Variants in AKT3 observed in about 807,000 individuals in gnomAD.
AKT3 encodes the protein AKT serine/threonine kinase 3, also known as RAC-gamma serine/threonine-protein kinase.
Under a neutral mutation model 65.3 loss-of-function variants are expected in AKT3, and 15 were observed. The ratio of observed to expected loss-of-function variants is 0.23; its 90% CI spans 0.15 to 0.35. The LOEUF (loss-of-function observed/expected upper bound fraction) is 0.35. AKT3 is among the 10% of genes least tolerant of loss of function. AKT3 has a pLI of 1.00. For missense variants in AKT3, 243 were observed against 576.5 expected (o/e 0.42, Z 5.92); for synonymous variants, 206 against 183.8 (o/e 1.12, Z -0.98).
intron 2 of AKT3, among the ~76,000 whole-genome samples, chr1:243,797,860 A>C (rs1461513917): frequency 7.0e-6 from 1 of 143,554 alleles, no homozygotes; most frequent in Non-Finnish European, 1.5e-5. Context: ...TTAGGATAAC[A>C]AAAAAAAAAA....
chr1:243,534,499 T>C (rs1671763983), intron 12 of AKT3, among the ~76,000 whole-genome samples: 1 of 152,200 alleles, frequency 6.6e-6, no homozygotes, highest in African/African-American at 2.4e-5. Context: ...ATCAATCAAC[T>C]GGATTTAATA....
At chr1:243,697,943 AGTAT>A (rs1429979936) in intron 2 of AKT3, among the ~76,000 whole-genome samples, 2 of 151,758 alleles carry the variant, frequency 1.3e-5, no homozygotes, top group Admixed American at 6.6e-5. Flanking sequence ...CCTCCACATA[AGTAT>A]GTAAGGGCAA....
chr1:243,699,998 T>C (rs1685344505), intron 2 of AKT3, among the ~76,000 whole-genome samples: 1 of 152,206 alleles, frequency 6.6e-6, no homozygotes, highest in African/African-American at 2.4e-5. Context: ...TCAGTGAGTG[T>C]GAACCTGCTG....
chr1:243,566,117 G>A (rs1240864874), intron 9 of AKT3, among the ~76,000 whole-genome samples: 2 of 152,118 alleles, frequency 1.3e-5, no homozygotes. Context: ...TCCACGTTTT[G>A]ACAAAGCTAT....
At chr1:243,569,415 A>G (rs1674396809) in intron 9 of AKT3, among the ~76,000 whole-genome samples, 1 of 152,164 alleles carries the variant, frequency 6.6e-6, no homozygotes, top group Non-Finnish European at 1.5e-5. Context: ...AGATTTCTAT[A>G]TAGGGGGAAA....
At chr1:243,548,076 G>A (rs1025521855) in intron 11 of AKT3, 4 of 152,148 alleles carry the variant, frequency 2.6e-5, no homozygotes, top group African/African-American at 9.7e-5. Flanking sequence ...ATCAGTGCTG[G>A]ATTATCCAAA....
In AKT3 at chr1:243,499,992, G is replaced by C; in HGVS notation, c.*5257C>G. On this transcript the variant is annotated 3_prime_UTR_variant, in exon 14 of 14. Coordinates refer to ENST00000673466, the MANE Select transcript of AKT3 (RefSeq NM_005465.7). ...CTGACTCTAGCTGAGCAGAGCTCCT[G>C]GTGTATGTTTTCAGAAATGGCTTGA... 1.7e-6 allele frequency: 1 copy of C among 602,176 alleles called. No individual in the cohort carries two copies. Among genetic ancestry groups the C allele is most frequent in the Non-Finnish European group, 3.0e-6 (1 of 336,704 alleles). The allele number at this position is 602,176 out of a possible 1,614,324, so 37.3% of individuals were successfully genotyped here. A position where few individuals can be genotyped will look rare whatever the true frequency, so the allele number is the denominator to read the frequency against.
At chr1:243,831,304 T>C (rs1198373880) in intron 2 of AKT3, among the ~76,000 whole-genome samples, 1 of 152,204 alleles carries the variant, frequency 6.6e-6, no homozygotes, top group African/African-American at 2.4e-5. Context: ...CAGATCTATG[T>C]AATAACAAGG....
At chr1:243,702,128 G>C (rs1055247448) in intron 2 of AKT3, among the ~76,000 whole-genome samples, 3 of 133,510 alleles carry the variant, frequency 2.2e-5, no homozygotes, top group Admixed American at 7.7e-5. Context: ...AAAAAAAAAA[G>C]CTGGCCATAC....
intron 8 of AKT3, among the ~76,000 whole-genome samples, chr1:243,590,074 G>T (rs1385661621): frequency 6.6e-6 from 1 of 152,162 alleles, no homozygotes; most frequent in East Asian, 1.9e-4. Flanking sequence ...AATGATGGTT[G>T]CCAGGAGCTG....
intron 13 of AKT3, 22 bp downstream of exon 13, chr1:243,512,302 A>T (rs749825266): frequency 7.9e-7 from 1 of 1,263,396 alleles, no homozygotes; most frequent in Non-Finnish European, 1.1e-6. Flanking sequence ...AAATTTATCA[A>T]TTGCCTTCTA....
downstream of AKT3, among the ~76,000 whole-genome samples, chr1:243,497,585 A>T (rs920405824): frequency 6.6e-6 from 1 of 152,110 alleles, no homozygotes; most frequent in Non-Finnish European, 1.5e-5. Flanking sequence ...ATAGTGATAA[A>T]TTGCTAGGTG....
chr1:243,702,150 A>G (rs1013664518), intron 2 of AKT3, among the ~76,000 whole-genome samples: 1 of 151,912 alleles, frequency 6.6e-6, no homozygotes, highest in African/African-American at 2.4e-5. Context: ...GTCAATGTGA[A>G]AAGCATGTGG....
At chr1:243,783,601 A>T (rs1691050548) in intron 2 of AKT3, among the ~76,000 whole-genome samples, 1 of 152,218 alleles carries the variant, frequency 6.6e-6, no homozygotes, top group South Asian at 2.1e-4. Context: ...TGAAAAGTTA[A>T]CTTAAAAAAT....
intron 2 of AKT3, among the ~76,000 whole-genome samples, chr1:243,771,068 T>C (rs1690152764): frequency 1.3e-5 from 2 of 152,180 alleles, no homozygotes; most frequent in African/African-American, 2.4e-5. Context: ...CATATGTACA[T>C]GTGAGGGAAA....
At position 243,504,992 on chromosome 1, in the gene AKT3, A is replaced by C; in HGVS notation, c.*257T>G. ...TGGAAAATTACTTCTTAAAGTTGCT[A>C]TAATAGTAAGACAGTAGCAGCAACA... On this transcript the variant is annotated 3_prime_UTR_variant, in exon 14 of 14. Transcript: ENST00000673466. The C allele has an allele frequency of 2.3e-6, 1 of 438,660 alleles. No individual in the cohort carries two copies. The highest frequency in any genetic ancestry group is 3.5e-5 in the East Asian group (1 of 28,588). 27.2% of individuals were successfully genotyped at this position (438,660 alleles called of 1,614,324 possible).
chr1:243,489,209 C>G, intron 13 of AKT3: 1 of 1,570,126 alleles, frequency 6.4e-7, no homozygotes, highest in Non-Finnish European at 8.7e-7. Context: ...TTTTATGCAC[C>G]TCAACAGGCC....
At chr1:243,490,211 CAT>C (rs759797762) in intron 13 of AKT3, among the ~76,000 whole-genome samples, 13 of 152,272 alleles carry the variant, frequency 8.5e-5, no homozygotes, top group African/African-American at 1.7e-4. Flanking sequence ...CTCTGCCAAA[CAT>C]GTGTTCACAG....
Position 243,563,854 on chromosome 1 carries a change from T to C in AKT3, c.820-6A>G. 2 of 1,599,836 alleles carry C rather than the reference T, an allele frequency of 1.3e-6. No individual in the cohort carries two copies. Among genetic ancestry groups the C allele is most frequent in the Non-Finnish European group, 1.7e-6 (2 of 1,175,928 alleles). Reference sequence around the variant, plus strand: ...TCCAGCATTAGATTCTCCAACTGTGTATTAAGAAAAATGACATAATTTGTT... The same window carrying C: ...TCCAGCATTAGATTCTCCAACTGTGCATTAAGAAAAATGACATAATTTGTT... On this transcript the variant is annotated splice_region_variant and splice_polypyrimidine_tract_variant and intron_variant, in intron 9 of 13. Transcript: ENST00000673466.
Sources: gnomAD v4.1 joint callset for allele counts (sites outside exome capture counted in the v4.1 genomes callset) on GRCh38, gnomAD v4.1.1 for gene constraint, MANE v1.5 for transcripts, NCBI Gene and HGNC (gene_info 2026-07-23, HGNC 2026-07-21) for gene names.